RAPGEF2: variants seen among roughly 807,000 people sequenced by gnomAD.
The protein encoded by RAPGEF2 is Rap guanine nucleotide exchange factor 2.
RAPGEF2 carries 54 observed loss-of-function variants against 186.7 expected under a neutral mutation model. The observed-to-expected ratio is 0.29, with a 90% CI of 0.23 to 0.36. The LOEUF is 0.36. RAPGEF2 is among the 10% of genes least tolerant of loss of function. The probability of loss-of-function intolerance (pLI) is 1.00; values close to 1 mark genes in which losing one functional copy is unlikely to be tolerated. For synonymous variants in RAPGEF2, 712 were observed against 705.9 expected, an observed-to-expected ratio of 1.01 and a Z score of -0.14; for missense variants, 1,532 against 2,045.0, an observed-to-expected ratio of 0.75 and a Z score of 4.84.
intron 1 of RAPGEF2, among the ~76,000 whole-genome samples, chr4:159,122,974 T>C (rs530486932): frequency 1.3e-5 from 2 of 152,276 alleles, no homozygotes; most frequent in East Asian, 3.9e-4. Flanking sequence ...ATTTTTATTA[T>C]TTATTAAACA....
At chr4:159,268,185 T>C in intron 7 of RAPGEF2, 1 of 1,611,462 alleles carries the variant, frequency 6.2e-7, no homozygotes. Context: ...CAGCTAACCA[T>C]GGAGTTATGG....
At chr4:159,248,353 T>A (rs1224344391) in intron 7 of RAPGEF2, among the ~76,000 whole-genome samples, 1 of 152,134 alleles carries the variant, frequency 6.6e-6, no homozygotes, top group Admixed American at 6.5e-5. Flanking sequence ...TGCCACAAAT[T>A]TTACTAAAAT....
At chr4:159,303,837 TTTCTC>T (rs535631082) in intron 7 of RAPGEF2, among the ~76,000 whole-genome samples, 3 of 152,294 alleles carry the variant, frequency 2.0e-5, no homozygotes, top group Non-Finnish European at 4.4e-5. Context: ...ATGGCATTCT[TTTCTC>T]TTTCTTTGTA....
At chr4:159,257,723 T>A (rs887079317) in intron 7 of RAPGEF2, among the ~76,000 whole-genome samples, 27 of 152,160 alleles carry the variant, frequency 1.8e-4, no homozygotes, top group African/African-American at 6.5e-4. Flanking sequence ...TTGTTGAAGA[T>A]GAGATGGTTG....
intron 28 of RAPGEF2, among the ~76,000 whole-genome samples, chr4:159,354,499 G>A (rs1242898486): frequency 2.0e-5 from 3 of 152,100 alleles, no homozygotes; most frequent in Admixed American, 2.0e-4. Flanking sequence ...TTTTTATTCT[G>A]CACGCACATT....
At chr4:159,166,204 C>T (rs1368252820) in intron 1 of RAPGEF2, among the ~76,000 whole-genome samples, 3 of 152,032 alleles carry the variant, frequency 2.0e-5, no homozygotes, top group Non-Finnish European at 4.4e-5. Context: ...GTCCCAGCTA[C>T]TTGGGAGGCT....
At chr4:159,133,547 G>C (rs1741346314) in intron 1 of RAPGEF2, among the ~76,000 whole-genome samples, 1 of 151,790 alleles carries the variant, frequency 6.6e-6, no homozygotes, top group South Asian at 2.1e-4. Context: ...GAGTAGCTGG[G>C]ATTACGGGCG....
rs557671593 is a variant in RAPGEF2, at chr4:159,349,736, C to T, written c.3713-401C>T. ...TCCAAGGATACAAAACAGTTTCCAA[C>T]TCAAATTTGGTTTCTAATAATAAAC... On this transcript the variant is annotated intron_variant, in intron 25 of 29. Coordinates refer to ENST00000691494, the MANE Select transcript of RAPGEF2 (RefSeq NM_001394067.2). 2.0e-5 allele frequency among the ~76,000 whole-genome samples: 3 copies of T among 152,332 alleles called. No homozygotes were observed. The South Asian group carries it at 6.2e-4, about 32-fold the overall frequency.
intron 7 of RAPGEF2, among the ~76,000 whole-genome samples, chr4:159,252,246 C>T (rs1030078850): frequency 1.3e-5 from 2 of 152,134 alleles, no homozygotes; most frequent in Admixed American, 6.5e-5. Context: ...GACAGGGTTT[C>T]GCCATATTGC....
rs1318528231 is a variant in RAPGEF2 at position 159,314,668 on chromosome 4, T to C, written c.753T>C (p.Asp251=). 3.7e-6 allele frequency: 6 copies of C among 1,614,026 alleles called. No individual in the cohort carries two copies. The highest frequency in any genetic ancestry group is 1.3e-5 in the African/African-American group (1 of 75,026). The change falls in exon 9 of 30, where the codon GAT becomes GAC. Residue 251 remains aspartate, a synonymous_variant. Coordinates refer to ENST00000691494, the MANE Select transcript of RAPGEF2 (RefSeq NM_001394067.2). ...ETAVDSEDDD[D]EEDIERASDP... The stretch of plus-strand genomic sequence containing the variant: ...CAGTGGATTCCGAAGACGACGACGA[T>C]GAAGAAGACATTGAGAGAGCATCAG...
intron 7 of RAPGEF2, among the ~76,000 whole-genome samples, chr4:159,292,381 A>C (rs964693131): frequency 6.6e-6 from 1 of 152,138 alleles, no homozygotes; most frequent in Non-Finnish European, 1.5e-5. Context: ...CCTTCATTCC[A>C]TTCATATCTT....
At chr4:159,153,614 C>G (rs972789114) in intron 1 of RAPGEF2, among the ~76,000 whole-genome samples, 1 of 152,202 alleles carries the variant, frequency 6.6e-6, no homozygotes, top group Non-Finnish European at 1.5e-5. Flanking sequence ...ATCCTTTTAA[C>G]TGACCTATCA....
At chr4:159,124,292 C>T (rs1740042297) in intron 1 of RAPGEF2, among the ~76,000 whole-genome samples, 1 of 151,892 alleles carries the variant, frequency 6.6e-6, no homozygotes, top group South Asian at 2.1e-4. Context: ...GTAATACCAG[C>T]ACTTTGGGAG....
chr4:159,266,393 A>G (rs1757429659), intron 7 of RAPGEF2, among the ~76,000 whole-genome samples: 1 of 152,244 alleles, frequency 6.6e-6, no homozygotes, highest in Admixed American at 6.5e-5. Flanking sequence ...TACATGTGCC[A>G]TTGATAGATA....
chr4:159,248,598 G>C (rs1284440473), intron 7 of RAPGEF2, among the ~76,000 whole-genome samples: 1 of 152,182 alleles, frequency 6.6e-6, no homozygotes. Flanking sequence ...GCAAAATGCA[G>C]CATGTTAAAG....
At chr4:159,320,784 C>T (rs1765149298) in intron 9 of RAPGEF2, among the ~76,000 whole-genome samples, 1 of 151,472 alleles carries the variant, frequency 6.6e-6, no homozygotes, top group African/African-American at 2.4e-5. Context: ...AAACTATATC[C>T]AAGAACATAA....
intron 1 of RAPGEF2, among the ~76,000 whole-genome samples, chr4:159,135,101 T>C (rs867168881): frequency 4.6e-5 from 7 of 152,308 alleles, no homozygotes; most frequent in African/African-American, 1.4e-4. Context: ...TGGAGTGCAG[T>C]GGTGTGATTA....
intron 3 of RAPGEF2, among the ~76,000 whole-genome samples, 170 bp downstream of exon 3, chr4:159,193,426 G>T (rs546716505): frequency 6.6e-6 from 1 of 152,292 alleles, no homozygotes; most frequent in Admixed American, 6.5e-5. Context: ...AAAGTTTACA[G>T]TTCTTTCCTG....
chr4:159,221,799 C>CA (rs761543153), intron 4 of RAPGEF2, among the ~76,000 whole-genome samples: 2 of 152,138 alleles, frequency 1.3e-5, no homozygotes, highest in African/African-American at 2.4e-5. Flanking sequence ...ATATATAAGG[C>CA]AAAGGCTTAA....
Sources: gnomAD v4.1 joint callset for allele counts (sites outside exome capture counted in the v4.1 genomes callset) on GRCh38, gnomAD v4.1.1 for gene constraint, MANE v1.5 for transcripts, NCBI Gene and HGNC (gene_info 2026-07-23, HGNC 2026-07-21) for gene names.